NRXN1: variants seen among roughly 807,000 people sequenced by gnomAD.
The protein encoded by NRXN1 is neurexin 1, also known as neurexin-1.
Under a neutral mutation model 150.9 loss-of-function variants are expected in NRXN1, and 39 were observed. The ratio of observed to expected loss-of-function variants is 0.26; its 90% CI spans 0.20 to 0.34. The LOEUF is 0.34. NRXN1 is among the 10% of genes least tolerant of loss of function. The pLI is 1.00. For synonymous variants in NRXN1, 924 were observed against 757.0 expected (o/e 1.22, Z -3.62); for missense variants, 1,815 against 1,949.9 (o/e 0.93, Z 1.30).
At chr2:50,212,904 A>T (rs927651218) in intron 18 of NRXN1, among the ~76,000 whole-genome samples, 7 of 151,978 alleles carry the variant, frequency 4.6e-5, no homozygotes, top group Non-Finnish European at 7.4e-5. Context: ...GTGGTTCTTC[A>T]TCATGAGAAT....
At chr2:50,401,477 G>T (rs2082387660) in intron 17 of NRXN1, among the ~76,000 whole-genome samples, 1 of 151,936 alleles carries the variant, frequency 6.6e-6, no homozygotes, top group East Asian at 1.9e-4. Flanking sequence ...GGAGGGAGAG[G>T]GCTTAAGTGG....
intron 2 of NRXN1, among the ~76,000 whole-genome samples, chr2:50,980,106 A>G: frequency 6.6e-6 from 1 of 152,086 alleles, no homozygotes; most frequent in South Asian, 2.1e-4. Flanking sequence ...CTAGAGTTAA[A>G]TTTCTTTAAA....
At chr2:50,695,838 C>G (rs1261060849) in intron 5 of NRXN1, among the ~76,000 whole-genome samples, 3 of 124,908 alleles carry the variant, frequency 2.4e-5, no homozygotes, top group East Asian at 5.4e-4. Context: ...CAGAGTGACT[C>G]TGATTTTTTT....
intron 5 of NRXN1, among the ~76,000 whole-genome samples, chr2:50,689,894 G>GTGTGTT (rs1691826166): frequency 7.0e-6 from 1 of 141,866 alleles, no homozygotes; most frequent in Non-Finnish European, 1.5e-5. Context: ...GTGTGTGTGT[G>GTGTGTT]TGTGTGTTTG....
chr2:50,228,402 C>A (rs572263700), intron 18 of NRXN1, among the ~76,000 whole-genome samples: 1 of 151,910 alleles, frequency 6.6e-6, no homozygotes, highest in South Asian at 2.1e-4. Context: ...AAGGCAAGCA[C>A]GGAGTAAAAG....
At chr2:50,388,891 A>G (rs1338733244) in intron 17 of NRXN1, among the ~76,000 whole-genome samples, 2 of 152,132 alleles carry the variant, frequency 1.3e-5, no homozygotes, top group Non-Finnish European at 2.9e-5. Context: ...TTACTTTGAG[A>G]TGTTTATAGT....
intron 18 of NRXN1, 28 bp from the exon 19 acceptor site, chr2:50,091,522 T>G: frequency 6.2e-7 from 1 of 1,609,588 alleles, no homozygotes; most frequent in Non-Finnish European, 8.5e-7. Flanking sequence ...AAAAAAGAGT[T>G]GAATTAAGTT....
intron 8 of NRXN1, among the ~76,000 whole-genome samples, chr2:50,560,417 G>C (rs938416955): frequency 4.2e-5 from 4 of 95,750 alleles, no homozygotes; most frequent in African/African-American, 1.5e-4. Context: ...AAAGTAGTCT[G>C]ATGTATGTTT....
intron 18 of NRXN1, among the ~76,000 whole-genome samples, chr2:50,234,560 G>C (rs907414967): frequency 6.6e-6 from 1 of 152,030 alleles, no homozygotes; most frequent in Non-Finnish European, 1.5e-5. Context: ...GACTTGTTGA[G>C]TCTGTAATGT....
chr2:50,317,239 T>C (rs1333297632), intron 17 of NRXN1, among the ~76,000 whole-genome samples: 1 of 151,944 alleles, frequency 6.6e-6, no homozygotes, highest in Admixed American at 6.6e-5. Context: ...ATTGATTAAT[T>C]AGACAAATCC....
intron 5 of NRXN1, among the ~76,000 whole-genome samples, chr2:50,775,827 C>CT (rs1703556214): frequency 6.6e-6 from 1 of 152,038 alleles, no homozygotes; most frequent in Admixed American, 6.6e-5. Context: ...TAAAAGTCAA[C>CT]TTTTTTATGT....
At chr2:49,984,888 AT>A (rs148669687) in intron 21 of NRXN1, among the ~76,000 whole-genome samples, 23 of 152,304 alleles carry the variant, frequency 1.5e-4, no homozygotes, top group Non-Finnish European at 3.2e-4. Context: ...TTTGTTTCTT[AT>A]TTGGTGACTT....
chr2:50,993,475 T>G (rs1329779486), intron 2 of NRXN1, among the ~76,000 whole-genome samples: 1 of 151,924 alleles, frequency 6.6e-6, no homozygotes, highest in Non-Finnish European at 1.5e-5. Flanking sequence ...TTTCCCTTCT[T>G]TAGTCACTGC....
intron 18 of NRXN1, among the ~76,000 whole-genome samples, chr2:50,223,332 C>T (rs938018519): frequency 2.6e-5 from 4 of 151,948 alleles, no homozygotes; most frequent in African/African-American, 9.7e-5. Flanking sequence ...TCTCAAATTC[C>T]AGAAACATCC....
intron 21 of NRXN1, among the ~76,000 whole-genome samples, chr2:50,003,582 G>GTTACTCAAAAC (rs1684288112): frequency 6.6e-6 from 1 of 152,090 alleles, no homozygotes; most frequent in Non-Finnish European, 1.5e-5. Flanking sequence ...ACAATTTTCA[G>GTTACTCAAAAC]AATGTTCAGT....
intron 21 of NRXN1, chr2:49,973,978 T>G (rs1345161055): frequency 1.4e-6 from 1 of 717,380 alleles, no homozygotes; most frequent in Non-Finnish European, 2.6e-6. Context: ...CTGCAAGTTT[T>G]CACAGTGCCA....
intron 21 of NRXN1, among the ~76,000 whole-genome samples, chr2:50,000,649 G>T (rs1056573135): frequency 6.6e-6 from 1 of 152,250 alleles, no homozygotes; most frequent in Admixed American, 6.5e-5. Flanking sequence ...AGATTAATAA[G>T]AATATGACTC....
At chr2:50,607,091 A>C (rs2104014957) in intron 8 of NRXN1, among the ~76,000 whole-genome samples, 1 of 152,280 alleles carries the variant, frequency 6.6e-6, no homozygotes, top group Non-Finnish European at 1.5e-5. Flanking sequence ...ACACAAATTC[A>C]GTTTAGGGGA....
intron 10 of NRXN1, among the ~76,000 whole-genome samples, chr2:50,533,254 A>C (rs2093165635): frequency 6.6e-6 from 1 of 152,158 alleles, no homozygotes; most frequent in African/African-American, 2.4e-5. Context: ...AATATTTATT[A>C]AGCGTTCTGA....
Sources: gnomAD v4.1 joint callset for allele counts (sites outside exome capture counted in the v4.1 genomes callset) on GRCh38, gnomAD v4.1.1 for gene constraint, MANE v1.5 for transcripts, NCBI Gene and HGNC (gene_info 2026-07-23, HGNC 2026-07-21) for gene names.